MTARC1: variants seen among roughly 807,000 people sequenced by gnomAD.
MTARC1 encodes the protein mitochondrial amidoxime reducing component 1.
Under a neutral mutation model 33.6 loss-of-function variants are expected in MTARC1, and 24 were observed. The ratio of observed to expected loss-of-function variants is 0.72; its 90% confidence interval spans 0.52 to 1.01. The LOEUF is 1.01. MTARC1 is among the 50% of genes least tolerant of loss of function. MTARC1 has a pLI of 0.00. For missense variants in MTARC1, 417 were observed against 445.7 expected (o/e 0.94, Z 0.58); for synonymous variants, 187 against 189.5 (o/e 0.99, Z 0.11).
chr1:220,808,987 A>C (rs1673049989), intron 6 of MTARC1: 1 of 452,354 alleles, frequency 2.2e-6, no homozygotes, highest in Non-Finnish European at 4.5e-6. Flanking sequence ...TCAAAAAAAA[A>C]AACGTTTTGC....
At chr1:220,789,457 AAAAAAT>A (rs1376817534) in intron 1 of MTARC1, among the ~76,000 whole-genome samples, 3 of 87,978 alleles carry the variant, frequency 3.4e-5, no homozygotes, top group African/African-American at 8.6e-5. Context: ...ACAAAAACAA[AAAAAAT>A]CTCATAATGT....
intron 2 of MTARC1, among the ~76,000 whole-genome samples, chr1:220,792,066 G>A (rs1322607538): frequency 1.3e-5 from 2 of 152,122 alleles, no homozygotes; most frequent in Non-Finnish European, 2.9e-5. Context: ...TAGAAAAACT[G>A]GGCACCTTCC....
At chr1:220,808,107 C>T (rs11590678) in intron 6 of MTARC1, among the ~76,000 whole-genome samples, 19,526 of 152,220 alleles carry the variant, frequency 0.13, 1,624 homozygotes, top group South Asian at 0.27. Context: ...GTGTGTTGCT[C>T]GGTGTGGGGC....
chr1:220,790,372 C>T (rs927052863), intron 1 of MTARC1, among the ~76,000 whole-genome samples: 4 of 152,016 alleles, frequency 2.6e-5, no homozygotes, highest in African/African-American at 9.7e-5. Context: ...AAAGCAGGAA[C>T]CATGGAGGGA....
intron 6 of MTARC1, among the ~76,000 whole-genome samples, chr1:220,809,468 G>A (rs1011593968): frequency 2.8e-5 from 4 of 141,342 alleles, no homozygotes; most frequent in East Asian, 2.0e-4. Flanking sequence ...TCCCAGGAAC[G>A]TTCACGATGC....
chr1:220,790,845 A>G (rs1672398400), intron 1 of MTARC1: 1 of 152,118 alleles, frequency 6.6e-6, no homozygotes, highest in Non-Finnish European at 1.5e-5. Flanking sequence ...TTATTTCTCC[A>G]TTTATCTTTT....
intron 2 of MTARC1, among the ~76,000 whole-genome samples, chr1:220,796,199 A>G (rs997726257): frequency 7.2e-5 from 11 of 152,108 alleles, no homozygotes; most frequent in Admixed American, 7.2e-4. Flanking sequence ...GAACATTTTC[A>G]TATTGTTGCT....
chr1:220,795,684 C>T lies in MTARC1; in HGVS notation c.450-959C>T, dbSNP rs72470597. On this transcript the variant is annotated intron_variant, in intron 2 of 6. Coordinates refer to ENST00000366910, the MANE Select transcript of MTARC1 (RefSeq NM_022746.4). ...CTGTATACAAACTTTATATGGCTACCTATATAATTTGCCAGAAAGTAACCA... is the reference window on the plus strand; with the variant it reads ...CTGTATACAAACTTTATATGGCTACTTATATAATTTGCCAGAAAGTAACCA... 6.3e-4 allele frequency among the ~76,000 whole-genome samples: 96 copies of T among 152,146 alleles called. 1 individual carries two copies. In the East Asian group the frequency reaches 0.016, roughly 26 times the overall value.
rs1316753763 is a variant in MTARC1, at chr1:220,813,814, T to C, written c.*396T>C. On this transcript the variant is annotated 3_prime_UTR_variant, in exon 7 of 7. Coordinates refer to ENST00000366910, the MANE Select transcript of MTARC1 (RefSeq NM_022746.4). ...GAAGAGTGGGTGGGCTGGAAGAATATCCTAGAATGTGTTATTGCCCCTGTT... is the reference window on the plus strand; with the variant it reads ...GAAGAGTGGGTGGGCTGGAAGAATACCCTAGAATGTGTTATTGCCCCTGTT... 5.3e-6 allele frequency: 1 copy of C among 187,490 alleles called. No homozygotes were observed. Among genetic ancestry groups the C allele is most frequent in the Non-Finnish European group, 1.1e-5 (1 of 88,198 alleles). 11.6% of individuals were successfully genotyped at this position (187,490 alleles called of 1,614,324 possible).
rs1490006987 is a variant in MTARC1, at chr1:220,817,180, C to A, written c.*3762C>A. 2 of 153,320 alleles carry A rather than the reference C, an allele frequency of 1.3e-5. No homozygotes were observed. Among genetic ancestry groups the A allele is most frequent in the Admixed American group, 1.3e-4 (2 of 15,254 alleles). 9.5% of individuals were successfully genotyped at this position (153,320 alleles called of 1,614,324 possible). On this transcript the variant is annotated 3_prime_UTR_variant, in exon 7 of 7. Coordinates refer to ENST00000366910, the MANE Select transcript of MTARC1 (RefSeq NM_022746.4). Reference sequence around the variant, plus strand: ...GTGGTGAGATCTCAGCTCACTGCAGCCTCTGCCTCCCAGGTTCAAGCAATT... The same window carrying A: ...GTGGTGAGATCTCAGCTCACTGCAGACTCTGCCTCCCAGGTTCAAGCAATT...
intron 2 of MTARC1, among the ~76,000 whole-genome samples, 198 bp downstream of exon 2, chr1:220,791,862 T>C (rs781650144): frequency 6.6e-6 from 1 of 152,024 alleles, no homozygotes; most frequent in Non-Finnish European, 1.5e-5. Flanking sequence ...CAGAAACTTG[T>C]GTTGTGGAGA....
chr1:220,813,415 G>C lies in MTARC1; in HGVS notation c.1011G>C (p.Gln337His). 12 of 1,614,188 alleles carry C rather than the reference G, an allele frequency of 7.4e-6. No individual in the cohort carries two copies. Among genetic ancestry groups the C allele is most frequent in the Non-Finnish European group, 8.5e-6 (10 of 1,180,024 alleles). The part of the protein sequence containing the change: ...KVGDPVYLLG[Q>H] ...GAGACCCTGTGTACCTGCTGGGCCAGTAATGGGAACCGTATGTCCTGGAAT... is the reference window on the plus strand; with the variant it reads ...GAGACCCTGTGTACCTGCTGGGCCACTAATGGGAACCGTATGTCCTGGAAT... Residue 337 changes from glutamine to histidine, a missense_variant, in exon 7 of 7, where the codon CAG becomes CAC. Transcript: ENST00000366910.
At chr1:220,808,936 C>T (rs928303287) in intron 6 of MTARC1, 4 of 470,838 alleles carry the variant, frequency 8.5e-6, no homozygotes, top group African/African-American at 8.0e-5. Context: ...TGACATTTTG[C>T]CCCTAATGGA....
chr1:220,794,605 T>C (rs1247630531), intron 2 of MTARC1, among the ~76,000 whole-genome samples: 1 of 152,088 alleles, frequency 6.6e-6, no homozygotes, highest in Non-Finnish European at 1.5e-5. Flanking sequence ...TGATTAATAC[T>C]AGGTTAGAAT....
At chr1:220,787,961 T>C (rs1275798822) in intron 1 of MTARC1, among the ~76,000 whole-genome samples, 1 of 152,002 alleles carries the variant, frequency 6.6e-6, no homozygotes, top group Admixed American at 6.6e-5. Flanking sequence ...TGAGCCAGGA[T>C]TGCGCCACTG....
intron 6 of MTARC1, among the ~76,000 whole-genome samples, 172 bp from the exon 7 acceptor site, chr1:220,813,120 T>A (rs1164571330): frequency 2.6e-5 from 4 of 152,214 alleles, no homozygotes. Flanking sequence ...CGTTGTTTGC[T>A]GGGCAGGCTG....
chr1:220,788,971 T>C (rs1672332991), intron 1 of MTARC1, among the ~76,000 whole-genome samples: 1 of 152,180 alleles, frequency 6.6e-6, no homozygotes, highest in African/African-American at 2.4e-5. Context: ...GACACTATGA[T>C]AAATTCTTTA....
chr1:220,812,458 T>C (rs578217121), intron 6 of MTARC1, among the ~76,000 whole-genome samples: 2 of 152,294 alleles, frequency 1.3e-5, no homozygotes, highest in African/African-American at 4.8e-5. Flanking sequence ...TAAGAAGTTA[T>C]TATGATAGTC....
At chr1:220,810,608 G>T (rs555321450) in intron 6 of MTARC1, among the ~76,000 whole-genome samples, 5 of 152,258 alleles carry the variant, frequency 3.3e-5, no homozygotes, top group African/African-American at 1.2e-4. Context: ...GCTGTGCCGA[G>T]AGGGGCAGCC....
Sources: gnomAD v4.1 joint callset for allele counts (sites outside exome capture counted in the v4.1 genomes callset) on GRCh38, gnomAD v4.1.1 for gene constraint, MANE v1.5 for transcripts, NCBI Gene and HGNC (gene_info 2026-07-23, HGNC 2026-07-21) for gene names.